Variants in MTUS2 observed in about 807,000 individuals in gnomAD.
The protein encoded by MTUS2 is microtubule-associated tumor suppressor candidate 2.
Under a neutral mutation model 114.1 loss-of-function variants are expected in MTUS2, and 40 were observed. That is an observed-to-expected ratio of 0.35 (90% confidence interval 0.27 to 0.46). The LOEUF (loss-of-function observed/expected upper bound fraction) is 0.46, where lower values mean the gene tolerates loss of function less well. Ranked by LOEUF, MTUS2 falls within the 20% of genes least tolerant of loss-of-function variation. The pLI is 1.00. For synonymous variants in MTUS2, 688 were observed against 672.0 expected, an observed-to-expected ratio of 1.02 and a Z score of -0.37; for missense variants, 1,679 against 1,705.4, an observed-to-expected ratio of 0.98 and a Z score of 0.27.
At chr13:29,236,003 ATC>A (rs1255086515) in intron 5 of MTUS2, among the ~76,000 whole-genome samples, 1 of 152,022 alleles carries the variant, frequency 6.6e-6, no homozygotes, top group Non-Finnish European at 1.5e-5. Flanking sequence ...TTTTATCTGA[ATC>A]TCTGTCTTCC....
At chr13:29,158,357 G>A (rs535011086) in intron 5 of MTUS2, among the ~76,000 whole-genome samples, 36 of 13,838 alleles carry the variant, frequency 2.6e-3, no homozygotes, top group African/African-American at 9.3e-3. Flanking sequence ...CGTCCACCCC[G>A]CTTTTTTTTT....
intron 4 of MTUS2, among the ~76,000 whole-genome samples, chr13:29,051,628 A>G (rs1029789377): frequency 1.3e-5 from 2 of 152,218 alleles, no homozygotes; most frequent in East Asian, 1.9e-4. Flanking sequence ...CCAGAAGAAT[A>G]TGGTGTCCCG....
At chr13:29,067,033 G>A (rs1348407982) in intron 4 of MTUS2, among the ~76,000 whole-genome samples, 2 of 152,178 alleles carry the variant, frequency 1.3e-5, no homozygotes, top group Non-Finnish European at 2.9e-5. Context: ...CTCAGTAGGG[G>A]AACACTGGGG....
chr13:28,965,608 A>G (rs1473353864), intron 2 of MTUS2, among the ~76,000 whole-genome samples: 1 of 152,166 alleles, frequency 6.6e-6, no homozygotes, highest in Non-Finnish European at 1.5e-5. Context: ...ACATATATAC[A>G]TATATGTGTG....
At chr13:29,419,905 A>T (rs927880187) in intron 8 of MTUS2, among the ~76,000 whole-genome samples, 2 of 152,212 alleles carry the variant, frequency 1.3e-5, no homozygotes, top group Non-Finnish European at 2.9e-5. Context: ...TGAAACTGTC[A>T]TGTACAGAAG....
chr13:29,168,596 A>G (rs1893416376), intron 5 of MTUS2, among the ~76,000 whole-genome samples: 1 of 152,202 alleles, frequency 6.6e-6, no homozygotes. Flanking sequence ...ATTTTACCAA[A>G]TGTCTGCTAA....
upstream of MTUS2, chr13:28,820,283 G>T (rs1005962438): frequency 1.4e-5 from 2 of 148,100 alleles, no homozygotes; most frequent in African/African-American, 4.9e-5. Context: ...TGCCTGCGCC[G>T]AGGTGAGTGC....
intron 2 of MTUS2, among the ~76,000 whole-genome samples, chr13:28,896,992 G>A (rs1593280134): frequency 6.6e-6 from 1 of 152,164 alleles, no homozygotes; most frequent in Admixed American, 6.6e-5. Flanking sequence ...ATAGGCATGG[G>A]CAAGGACTTC....
At chr13:28,902,907 T>C (rs888645776) in intron 2 of MTUS2, among the ~76,000 whole-genome samples, 1 of 152,186 alleles carries the variant, frequency 6.6e-6, no homozygotes, top group Non-Finnish European at 1.5e-5. Flanking sequence ...CTAATTCTAC[T>C]TTAAACATTG....
intron 7 of MTUS2, among the ~76,000 whole-genome samples, chr13:29,336,953 C>G (rs543440865): frequency 6.6e-6 from 1 of 152,310 alleles, no homozygotes; most frequent in South Asian, 2.1e-4. Context: ...GAGGGGAAAA[C>G]CACCTACTCA....
At chr13:29,022,009 C>T (rs946141989) in intron 2 of MTUS2, among the ~76,000 whole-genome samples, 12 of 151,888 alleles carry the variant, frequency 7.9e-5, no homozygotes, top group African/African-American at 2.4e-4. Flanking sequence ...GTGAGGGAGT[C>T]GTGGAAAGAA....
chr13:29,430,858 A>G (rs1227102819), intron 8 of MTUS2, among the ~76,000 whole-genome samples: 1 of 152,162 alleles, frequency 6.6e-6, no homozygotes, highest in East Asian at 1.9e-4. Context: ...TCCCACAACA[A>G]AGTTCTTCAA....
intron 8 of MTUS2, among the ~76,000 whole-genome samples, chr13:29,410,868 G>A (rs545941977): frequency 2.8e-4 from 43 of 152,130 alleles, no homozygotes; most frequent in Admixed American, 7.9e-4. Context: ...GTCTCACCCT[G>A]TTGCCCAGGC....
At chr13:29,370,133 T>G (rs561300362) in intron 8 of MTUS2, among the ~76,000 whole-genome samples, 2 of 152,312 alleles carry the variant, frequency 1.3e-5, no homozygotes, top group East Asian at 3.9e-4. Flanking sequence ...GTGGATCGCT[T>G]GAGCCCAGGA....
rs748912007 is a variant in MTUS2, at chr13:29,026,531, G to A, written c.1833G>A (p.Ser611=). The change falls in exon 3 of 16, where the codon TCG becomes TCA. Residue 611 remains serine, a synonymous_variant. Coordinates refer to ENST00000612955, the MANE Select transcript of MTUS2 (RefSeq NM_001033602.4). ...VFTHSKDTPS[S]QEGMENYQVE... ...CACATTCCAAGGACACACCTTCCTCGCAGGAGGGAATGGAGAACTATCAGG... is the reference window on the plus strand; with the variant it reads ...CACATTCCAAGGACACACCTTCCTCACAGGAGGGAATGGAGAACTATCAGG... The A allele has an allele frequency of 2.4e-5, 39 of 1,613,788 alleles. No individual in the cohort carries two copies. Among genetic ancestry groups the A allele is most frequent in the Middle Eastern group, 1.6e-4 (1 of 6,084 alleles).
chr13:29,309,869 A>G (rs1899671099), intron 6 of MTUS2, among the ~76,000 whole-genome samples: 2 of 152,292 alleles, frequency 1.3e-5, no homozygotes, highest in Middle Eastern at 6.8e-3. Context: ...ACATCAGGGT[A>G]AATGAGGTCT....
chr13:29,419,837 C>G (rs184271279), intron 8 of MTUS2, among the ~76,000 whole-genome samples: 15 of 152,304 alleles, frequency 9.8e-5, no homozygotes, highest in African/African-American at 3.4e-4. Context: ...ACTGCTGTGT[C>G]TAGTGACATT....
intron 6 of MTUS2, among the ~76,000 whole-genome samples, chr13:29,282,488 T>G (rs1476344763): frequency 2.0e-5 from 3 of 152,350 alleles, no homozygotes; most frequent in East Asian, 3.9e-4. Context: ...CACAGGTGCT[T>G]GTCAGCAGAA....
intron 2 of MTUS2, among the ~76,000 whole-genome samples, chr13:28,849,827 C>CT (rs1035651867): frequency 2.6e-5 from 4 of 152,114 alleles, no homozygotes; most frequent in African/African-American, 9.7e-5. Flanking sequence ...CTCTCTACCT[C>CT]TGAGTTTTCC....
Sources: gnomAD v4.1 joint callset for allele counts (sites outside exome capture counted in the v4.1 genomes callset) on GRCh38, gnomAD v4.1.1 for gene constraint, MANE v1.5 for transcripts, NCBI Gene and HGNC (gene_info 2026-07-23, HGNC 2026-07-21) for gene names.